WDR43: variants seen among roughly 807,000 people sequenced by gnomAD.
WDR43 encodes the protein WD repeat-containing protein 43.
WDR43 carries 13 observed loss-of-function variants against 91.4 expected under a neutral mutation model. The observed-to-expected ratio is 0.14, with a 90% CI of 0.09 to 0.23. The LOEUF (loss-of-function observed/expected upper bound fraction) is 0.23, where lower values mean the gene tolerates loss of function less well. WDR43 is among the 10% of genes least tolerant of loss of function. WDR43 has a pLI of 1.00. For missense variants in WDR43, 780 were observed against 809.4 expected (o/e 0.96, Z 0.44); for synonymous variants, 331 against 287.9 (o/e 1.15, Z -1.51).
intron 13 of WDR43, 104 bp downstream of exon 13, chr2:28,937,057 A>G: frequency 1.8e-6 from 2 of 1,112,294 alleles, no homozygotes; most frequent in East Asian, 2.7e-5. Flanking sequence ...AGTGTCAAAT[A>G]TTAACCCCTC....
At chr2:28,908,063 TG>T (rs1670718718) in intron 3 of WDR43, among the ~76,000 whole-genome samples, 1 of 152,176 alleles carries the variant, frequency 6.6e-6, no homozygotes. Flanking sequence ...GGTTGTAGGA[TG>T]GTAAGTGTGG....
At chr2:28,906,702 G>A in intron 3 of WDR43, 121 bp downstream of exon 3, 1 of 1,266,518 alleles carries the variant, frequency 7.9e-7, no homozygotes, top group Non-Finnish European at 1.0e-6. Flanking sequence ...ATCAAATCGA[G>A]CATGCAAGAT....
At chr2:28,946,237 G>C (rs1671540080) in intron 16 of WDR43, among the ~76,000 whole-genome samples, 1 of 151,922 alleles carries the variant, frequency 6.6e-6, no homozygotes, top group Admixed American at 6.6e-5. Flanking sequence ...CTTGAACCTG[G>C]GAGGCAGAGG....
At chr2:28,895,882 C>T (rs531915511) in intron 1 of WDR43, 1 of 152,168 alleles carries the variant, frequency 6.6e-6, no homozygotes, top group Non-Finnish European at 1.5e-5. Context: ...TGAGCTGTTT[C>T]AATGTGGAGA....
In WDR43 at chr2:28,935,584, A is replaced by T; in HGVS notation, c.1501A>T (p.Thr501Ser). The T allele has an allele frequency of 6.3e-7, 1 of 1,594,502 alleles. No homozygotes were observed. The highest frequency in any genetic ancestry group is 8.5e-7 in the Non-Finnish European group (1 of 1,170,822). Residue 501 changes from threonine (T) to serine (S), a missense_variant, in exon 12 of 18, where the codon ACT (threonine) becomes TCT (serine). By Grantham distance (58) the Thr-to-Ser change is moderately conservative (BLOSUM62 1). Coordinates refer to ENST00000407426, the MANE Select transcript of WDR43 (RefSeq NM_015131.3). ...KKTVLRMPLHTIIPLLQELTK... is the reference protein window; with the variant it reads ...KKTVLRMPLHSIIPLLQELTK... ...GACTGTATTAAGGATGCCCCTGCAT[A>T]CTATTATTCCGTTGTTACAAGAGGT... is the stretch of plus-strand genomic sequence containing the variant.
At chr2:28,918,192 C>G (rs1402575936) in intron 6 of WDR43, among the ~76,000 whole-genome samples, 197 bp downstream of exon 6, 2 of 152,036 alleles carry the variant, frequency 1.3e-5, no homozygotes, top group African/African-American at 4.8e-5. Context: ...AAAGTTTGTA[C>G]AGGACGGTAG....
At chr2:28,939,239 G>C (rs1189656198) in intron 14 of WDR43, among the ~76,000 whole-genome samples, 2 of 150,448 alleles carry the variant, frequency 1.3e-5, no homozygotes, top group Admixed American at 1.3e-4. Context: ...GTGAGAGGGT[G>C]GCCGAGGGGC....
At position 28,911,881 on chromosome 2, in the gene WDR43, C is replaced by T. The variant is rs543943876; in HGVS notation, c.486-709C>T. ...TCAGGCGATCTGCCCACCTCAATCT[C>T]CCAAAGTGCTGGGATTAGAGGCATG... On this transcript the variant is annotated intron_variant, in intron 3 of 17. Transcript: ENST00000407426. 2.0e-5 allele frequency among the ~76,000 whole-genome samples: 3 copies of T among 152,238 alleles called. No individual in the cohort carries two copies. The South Asian group carries it at 6.2e-4, about 32-fold the overall frequency.
chr2:28,910,297 G>A (rs992695917), intron 3 of WDR43, among the ~76,000 whole-genome samples: 1 of 152,156 alleles, frequency 6.6e-6, no homozygotes, highest in African/African-American at 2.4e-5. Context: ...TGGCGATTGT[G>A]TCTTTTATAT....
rs1671554896 is a variant in WDR43 at position 28,946,987 on chromosome 2, T to C, written c.*208T>C. ...TCAAATGTTAATAAACTTTACACAG[T>C]ATATAGACACATTTTCTGCAATGTA... On this transcript the variant is annotated 3_prime_UTR_variant, in exon 18 of 18. Transcript: ENST00000407426. The C allele has an allele frequency of 6.2e-6, 3 of 482,950 alleles. No homozygotes were observed. The highest frequency in any genetic ancestry group is 1.1e-5 in the Non-Finnish European group (3 of 278,980). 29.9% of individuals were successfully genotyped at this position (482,950 alleles called of 1,614,324 possible).
rs185953202 is a variant in WDR43, at chr2:28,924,846, C to T, written c.915-136C>T. The T allele has an allele frequency of 7.7e-5, 74 of 956,698 alleles. 1 individual carries two copies. In the East Asian group the frequency reaches 8.6e-4, roughly 11 times the overall value. 59.3% of individuals were successfully genotyped at this position (956,698 alleles called of 1,614,324 possible). A position where few individuals can be genotyped will look rare whatever the true frequency, so the allele number is the denominator to read the frequency against. On this transcript the variant is annotated intron_variant, in intron 7 of 17. Transcript: ENST00000407426. ...GGTCTTGAAAGGAGTACTCATGCTCCGGAGACCCAGGTGACTCCTGATGGC... is the reference window on the plus strand; with the variant it reads ...GGTCTTGAAAGGAGTACTCATGCTCTGGAGACCCAGGTGACTCCTGATGGC...
At chr2:28,904,517 A>G (rs1183619207) in intron 2 of WDR43, among the ~76,000 whole-genome samples, 1 of 152,246 alleles carries the variant, frequency 6.6e-6, no homozygotes, top group African/African-American at 2.4e-5. Flanking sequence ...AGTATTATGT[A>G]ACCTCACCAG....
At chr2:28,895,517 C>T (rs1670462827) in intron 1 of WDR43, among the ~76,000 whole-genome samples, 1 of 152,116 alleles carries the variant, frequency 6.6e-6, no homozygotes, top group Non-Finnish European at 1.5e-5. Context: ...GAACTCACTG[C>T]TTTTTGATTT....
At chr2:28,939,889 T>C (rs565883432) in intron 14 of WDR43, among the ~76,000 whole-genome samples, 1 of 152,028 alleles carries the variant, frequency 6.6e-6, no homozygotes, top group East Asian at 1.9e-4. Flanking sequence ...GGGTGGATCA[T>C]GAGTTCAGGA....
chr2:28,916,673 G>A (rs1233143393), intron 5 of WDR43, among the ~76,000 whole-genome samples: 1 of 151,948 alleles, frequency 6.6e-6, no homozygotes, highest in Non-Finnish European at 1.5e-5. Context: ...ATCGGTTCTC[G>A]TTATTTATAA....
At chr2:28,928,499 T>G (rs1029159390) in intron 10 of WDR43, among the ~76,000 whole-genome samples, 10 of 152,240 alleles carry the variant, frequency 6.6e-5, no homozygotes, top group Non-Finnish European at 1.3e-4. Context: ...TAGTTTCAAC[T>G]TTTTAATTTC....
At chr2:28,912,532 C>T in intron 3 of WDR43, 58 bp from the exon 4 acceptor site, 1 of 1,570,784 alleles carries the variant, frequency 6.4e-7, no homozygotes, top group South Asian at 1.2e-5. Context: ...TTATTTTCTG[C>T]TCTGAGTAAA....
chr2:28,929,835 A>C, intron 11 of WDR43, 125 bp downstream of exon 11: 1 of 1,038,478 alleles, frequency 9.6e-7, no homozygotes, highest in Non-Finnish European at 1.4e-6. Context: ...ATGTTTTATG[A>C]GTTTAGTCAA....
At chr2:28,912,900 T>A (rs1572586469) in intron 4 of WDR43, among the ~76,000 whole-genome samples, 190 bp downstream of exon 4, 1 of 152,070 alleles carries the variant, frequency 6.6e-6, no homozygotes, top group Non-Finnish European at 1.5e-5. Flanking sequence ...ACATGTCTAC[T>A]TCAAACGTAT....
Sources: allele counts gnomAD v4.1 joint callset (sites outside exome capture counted in the v4.1 genomes callset), GRCh38; gene constraint gnomAD v4.1.1; transcripts MANE v1.5; gene names NCBI Gene and HGNC (gene_info 2026-07-23, HGNC 2026-07-21).